DLGAP2: variants seen among roughly 807,000 people sequenced by gnomAD.
DLGAP2 encodes disks large-associated protein 2.
In DLGAP2, 26 loss-of-function variants were observed where a neutral mutation model predicts 100.3. That is an observed-to-expected ratio of 0.26 (90% CI 0.19 to 0.36). The LOEUF is 0.36. Ranked by LOEUF, DLGAP2 falls within the 10% of genes least tolerant of loss-of-function variation. DLGAP2 has a pLI of 1.00. For missense variants in DLGAP2, 1,858 were observed against 1,453.2 expected (o/e 1.28, Z -4.53); for synonymous variants, 886 against 630.1 (o/e 1.41, Z -6.08).
At chr8:1,460,982 G>C (rs1216432691) in intron 3 of DLGAP2, among the ~76,000 whole-genome samples, 1 of 152,218 alleles carries the variant, frequency 6.6e-6, no homozygotes, top group Non-Finnish European at 1.5e-5. Flanking sequence ...GCCTGGCCTG[G>C]GTTTCTGCCT....
chr8:1,270,026 C>T (rs1332905012), intron 3 of DLGAP2, among the ~76,000 whole-genome samples: 1 of 152,166 alleles, frequency 6.6e-6, no homozygotes, highest in Non-Finnish European at 1.5e-5. Flanking sequence ...CATCACAGGC[C>T]TTGCCCTTCT....
chr8:1,272,037 A>G (rs1799594141), intron 3 of DLGAP2, among the ~76,000 whole-genome samples: 3 of 152,088 alleles, frequency 2.0e-5, no homozygotes, highest in African/African-American at 7.2e-5. Flanking sequence ...GTTGGTCTCA[A>G]ACTCCTGACC....
intron 6 of DLGAP2, among the ~76,000 whole-genome samples, chr8:1,588,137 G>A (rs1191550280): frequency 6.6e-6 from 1 of 152,136 alleles, no homozygotes; most frequent in Non-Finnish European, 1.5e-5. Flanking sequence ...TCTCTTTACT[G>A]TCATAGCCTT....
chr8:1,564,730 C>G (rs1171462927), intron 5 of DLGAP2, among the ~76,000 whole-genome samples: 1 of 152,214 alleles, frequency 6.6e-6, no homozygotes, highest in Admixed American at 6.5e-5. Flanking sequence ...TTGCTCAAGT[C>G]TGCACCAGGC....
At chr8:1,418,130 C>T (rs756147549) in intron 3 of DLGAP2, among the ~76,000 whole-genome samples, 6 of 152,228 alleles carry the variant, frequency 3.9e-5, no homozygotes, top group Non-Finnish European at 7.3e-5. Context: ...TCCAGCCATA[C>T]AGTGTGGCCT....
At chr8:1,678,095 G>A in intron 11 of DLGAP2, 119 bp from the exon 12 acceptor site, 3 of 1,138,990 alleles carry the variant, frequency 2.6e-6, no homozygotes, top group Non-Finnish European at 3.7e-6. Context: ...AACACTACCT[G>A]CCCTTGAGCC....
intron 3 of DLGAP2, among the ~76,000 whole-genome samples, chr8:1,363,553 G>A (rs1455872794): frequency 1.3e-5 from 2 of 152,206 alleles, no homozygotes; most frequent in Non-Finnish European, 2.9e-5. Flanking sequence ...TGGGGTCCCC[G>A]GCATTTCCAG....
intron 1 of DLGAP2, among the ~76,000 whole-genome samples, chr8:811,101 C>T (rs1386461320): frequency 1.3e-5 from 2 of 152,208 alleles, no homozygotes; most frequent in Admixed American, 6.5e-5. Flanking sequence ...CACGGTGCCT[C>T]CCCGACCTGC....
chr8:1,223,290 A>T (rs1006793515), intron 2 of DLGAP2, among the ~76,000 whole-genome samples: 1 of 152,020 alleles, frequency 6.6e-6, no homozygotes, highest in East Asian at 1.9e-4. Flanking sequence ...TTTTCCAAGG[A>T]TCTGTTCACA....
At chr8:776,269 C>G (rs1396769432) in intron 1 of DLGAP2, among the ~76,000 whole-genome samples, 4 of 152,202 alleles carry the variant, frequency 2.6e-5, no homozygotes, top group African/African-American at 9.6e-5. Flanking sequence ...TGCTAGCGGT[C>G]TATCAATTTT....
intron 4 of DLGAP2, among the ~76,000 whole-genome samples, chr8:1,530,913 G>C (rs1162475998): frequency 6.6e-6 from 1 of 152,194 alleles, no homozygotes; most frequent in Non-Finnish European, 1.5e-5. Context: ...CCAGTGGTGT[G>C]ATCTGGTCTA....
At chr8:923,605 C>G (rs192359127) in intron 2 of DLGAP2, among the ~76,000 whole-genome samples, 1 of 152,106 alleles carries the variant, frequency 6.6e-6, no homozygotes, top group African/African-American at 2.4e-5. Context: ...AAGGGTATGG[C>G]GTAGAATTCC....
intron 2 of DLGAP2, among the ~76,000 whole-genome samples, chr8:925,312 G>C (rs1000137669): frequency 6.6e-6 from 1 of 152,136 alleles, no homozygotes; most frequent in Non-Finnish European, 1.5e-5. Flanking sequence ...TGTAGAGGGG[G>C]TGTCTCCTTA....
chr8:1,461,375 G>A (rs796555334), intron 3 of DLGAP2, among the ~76,000 whole-genome samples: 3 of 37,212 alleles, frequency 8.1e-5, no homozygotes, highest in Non-Finnish European at 1.5e-4. Flanking sequence ...TCACTGATTT[G>A]GTGGCCAGGA....
intron 2 of DLGAP2, among the ~76,000 whole-genome samples, chr8:1,173,340 C>G (rs1416621518): frequency 1.3e-5 from 2 of 152,138 alleles, no homozygotes; most frequent in Non-Finnish European, 2.9e-5. Flanking sequence ...GGTCAGAGAC[C>G]CACTTGAGGA....
At chr8:1,136,824 C>A (rs1796424743) in intron 2 of DLGAP2, among the ~76,000 whole-genome samples, 1 of 152,156 alleles carries the variant, frequency 6.6e-6, no homozygotes, top group African/African-American at 2.4e-5. Context: ...GGCTGCTCTC[C>A]AGAATGACCA....
intron 1 of DLGAP2, among the ~76,000 whole-genome samples, chr8:886,656 T>G (rs1476042886): frequency 6.6e-6 from 1 of 152,250 alleles, no homozygotes; most frequent in African/African-American, 2.4e-5. Flanking sequence ...AGCAGGTTGT[T>G]CAATTTCCAT....
Position 1,195,596 on chromosome 8 carries a change from TA to T in DLGAP2, c.74-63251del, listed in dbSNP as rs1797733982. Reference sequence around the variant, plus strand: ...AAACATATAATTCTTAATTCACTCATAAAACATCTAATTCTTATGTAAAAAT... The same window carrying T: ...AAACATATAATTCTTAATTCACTCATAAACATCTAATTCTTATGTAAAAAT... On this transcript the variant is annotated intron_variant, in intron 2 of 14. Coordinates refer to ENST00000637795, the MANE Select transcript of DLGAP2 (RefSeq NM_001346810.2). 3.3e-5 allele frequency among the ~76,000 whole-genome samples: 5 copies of T among 152,242 alleles called. No individual in the cohort carries two copies. The South Asian group carries it at 1.0e-3, about 31-fold the overall frequency.
At chr8:1,088,293 A>G (rs573317590) in intron 2 of DLGAP2, among the ~76,000 whole-genome samples, 3 of 152,254 alleles carry the variant, frequency 2.0e-5, no homozygotes, top group East Asian at 3.9e-4. Context: ...GTTGTTCCAT[A>G]TCCGTCTGTC....
Sources: gnomAD v4.1 joint callset for allele counts (sites outside exome capture counted in the v4.1 genomes callset) on GRCh38, gnomAD v4.1.1 for gene constraint, MANE v1.5 for transcripts, NCBI Gene and HGNC (gene_info 2026-07-23, HGNC 2026-07-21) for gene names.